Variants in NCOR1 observed in about 807,000 individuals in gnomAD.
The protein encoded by NCOR1 is protein phosphatase 1, regulatory subunit 109.
NCOR1 carries 63 observed loss-of-function variants against 288.1 expected under a neutral mutation model. The observed-to-expected ratio is 0.22, with a 90% CI of 0.18 to 0.27. The LOEUF (loss-of-function observed/expected upper bound fraction) is 0.27, where lower values mean the gene tolerates loss of function less well. Among genes scored for constraint, NCOR1 ranks in the 10% least tolerant of loss-of-function variants. The pLI, the probability that NCOR1 is intolerant of heterozygous loss-of-function variation, is 1.00. For synonymous variants in NCOR1, 1,007 were observed against 1,065.9 expected, an observed-to-expected ratio of 0.94 and a Z score of 1.08; for missense variants, 2,397 against 3,019.2, an observed-to-expected ratio of 0.79 and a Z score of 4.83.
chr17:16,152,114 C>G, intron 7 of NCOR1, 116 bp from the exon 8 acceptor site: 1 of 607,974 alleles, frequency 1.6e-6, no homozygotes, highest in Non-Finnish European at 2.8e-6. Context: ...TACACAATAA[C>G]ATGCCCTACC....
chr17:16,184,473 CATT>C (rs767195347), intron 3 of NCOR1, among the ~76,000 whole-genome samples: 2 of 152,238 alleles, frequency 1.3e-5, no homozygotes, highest in Non-Finnish European at 2.9e-5. Context: ...TGTTCAGTAT[CATT>C]AGTCATCAGG....
chr17:16,169,391 A>T (rs1014552646), intron 4 of NCOR1, among the ~76,000 whole-genome samples: 10 of 152,210 alleles, frequency 6.6e-5, no homozygotes, highest in African/African-American at 2.4e-4. Context: ...ACTGTAGGTA[A>T]TTTTTTCTTT....
At position 16,062,197 on chromosome 17, in the gene NCOR1, C is replaced by T; in HGVS notation, c.5295G>A (p.Glu1765=). 1 of 1,614,074 alleles carries T rather than the reference C, an allele frequency of 6.2e-7. No individual in the cohort carries two copies. The highest frequency in any genetic ancestry group is 8.5e-7 in the Non-Finnish European group (1 of 1,180,020). The change falls in exon 36 of 46, where the codon GAG becomes GAA. Residue 1765 remains glutamate, a synonymous_variant. Coordinates refer to ENST00000268712, the MANE Select transcript of NCOR1 (RefSeq NM_006311.4). The part of the protein sequence containing the change: ...RSPSPSVRTQ[E]TMLQQRPSVF... ...CACTGGGTCTCTGTTGCAACATGGT[C>T]TCCTGAGTTCTTACTGAAGGGGAAG...
In NCOR1 at chr17:16,159,278, T is replaced by C. The variant is rs138974451; in HGVS notation, c.619-405A>G. 1.7e-3 allele frequency among the ~76,000 whole-genome samples: 261 copies of C among 152,034 alleles called. 1 individual carries two copies. The highest frequency in any genetic ancestry group is 6.1e-3 in the African/African-American group (251 of 41,480). ...AAAATACAAAATTAGCTGGGCATGG[T>C]GGCGCATGCCTGTAATCCCAGCTAC... On this transcript the variant is annotated intron_variant, in intron 5 of 45. Transcript: ENST00000268712.
intron 5 of NCOR1, 141 bp downstream of exon 5, chr17:16,164,838 A>G: frequency 1.8e-6 from 1 of 557,916 alleles, no homozygotes; most frequent in African/African-American, 2.0e-5. Flanking sequence ...GAAAACCACA[A>G]CAGTAGCAAA....
chr17:16,212,796 G>A (rs2092256132), intron 1 of NCOR1, among the ~76,000 whole-genome samples: 1 of 152,044 alleles, frequency 6.6e-6, no homozygotes, highest in South Asian at 2.1e-4. Flanking sequence ...TTAAGGCCGG[G>A]TGCAGTGGCT....
chr17:16,101,766 G>T lies in NCOR1; in HGVS notation c.2183-9C>A. 1 of 1,614,070 alleles carries T rather than the reference G, an allele frequency of 6.2e-7. No homozygotes were observed. The highest frequency in any genetic ancestry group is 8.5e-7 in the Non-Finnish European group (1 of 1,179,976). ...GGGCTTGACAGCTTCAACTGGTGAA[G>T]GAGAAGGAGCACTTTCTGTATCAGA... On this transcript the variant is annotated splice_polypyrimidine_tract_variant and intron_variant, in intron 19 of 45. Coordinates refer to ENST00000268712, the MANE Select transcript of NCOR1 (RefSeq NM_006311.4).
At position 16,121,077 on chromosome 17, in the gene NCOR1, T is replaced by C; in HGVS notation, c.1827A>G (p.Pro609=). 3.7e-6 allele frequency: 6 copies of C among 1,613,442 alleles called. No individual in the cohort carries two copies. The highest frequency in any genetic ancestry group is 5.1e-6 in the Non-Finnish European group (6 of 1,179,682). ...TGGGTTCTGGTGGCGGTGGCAGAGGTGGTGGGGGCTCTTCAGTAGCCGCTG... is the reference window on the plus strand; with the variant it reads ...TGGGTTCTGGTGGCGGTGGCAGAGGCGGTGGGGGCTCTTCAGTAGCCGCTG... ...AAAAATEEPP[P]PLPPPPEPIS... The change falls in exon 16 of 46, where the codon CCA becomes CCG. Residue 609 remains proline, a synonymous_variant. Coordinates refer to ENST00000268712, the MANE Select transcript of NCOR1 (RefSeq NM_006311.4).
chr17:16,121,348 T>A, intron 15 of NCOR1, 79 bp from the exon 16 acceptor site: 1 of 1,192,264 alleles, frequency 8.4e-7, no homozygotes, highest in Non-Finnish European at 1.1e-6. Flanking sequence ...TTGAATATTA[T>A]CTAAATAGAA....
In NCOR1 at chr17:16,033,629, ACT is replaced by A. The variant is rs530696532; in HGVS notation, c.7135+1134_7135+1135del. ...AAAAGATGGCTTATAATTCTCTGAA[ACT>A]CTAAAATTCGTAATATCCCAGTTTT... On this transcript the variant is annotated intron_variant, in intron 45 of 45. Coordinates refer to ENST00000268712, the MANE Select transcript of NCOR1 (RefSeq NM_006311.4). 1.4e-3 allele frequency among the ~76,000 whole-genome samples: 199 copies of A among 143,880 alleles called. 1 individual carries two copies. The highest frequency in any genetic ancestry group is 5.0e-3 in the African/African-American group (189 of 38,032). 94.4% of individuals were successfully genotyped at this position (143,880 alleles called of 152,430 possible). A position where few individuals can be genotyped will look rare whatever the true frequency, so the allele number is the denominator to read the frequency against.
At chr17:16,036,650 C>A (rs994301291) in intron 44 of NCOR1, among the ~76,000 whole-genome samples, 1 of 152,228 alleles carries the variant, frequency 6.6e-6, no homozygotes. Flanking sequence ...ACAGAGACGG[C>A]TTCTTCAACC....
intron 3 of NCOR1, among the ~76,000 whole-genome samples, chr17:16,175,097 G>A (rs1262160862): frequency 6.6e-6 from 1 of 151,920 alleles, no homozygotes; most frequent in Admixed American, 6.6e-5. Context: ...GCAAGATGCC[G>A]TGGCTCACGC....
intron 5 of NCOR1, among the ~76,000 whole-genome samples, chr17:16,159,212 G>A (rs1308621024): frequency 2.0e-5 from 3 of 151,922 alleles, no homozygotes; most frequent in Admixed American, 6.6e-5. Flanking sequence ...TCGGGAGTTC[G>A]AGACCAGCCT....
At chr17:16,091,188 G>C in intron 22 of NCOR1, among the ~76,000 whole-genome samples, 1 of 152,120 alleles carries the variant, frequency 6.6e-6, no homozygotes, top group Non-Finnish European at 1.5e-5. Flanking sequence ...TACCTCCATA[G>C]TATCTACTGT....
chr17:16,149,350 G>T, intron 9 of NCOR1, 101 bp downstream of exon 9: 7 of 410,448 alleles, frequency 1.7e-5, no homozygotes, highest in Non-Finnish European at 2.3e-5. Context: ...ATCCTCAAAT[G>T]GAGTCAAGGA....
At chr17:16,092,685 ATATATATATATTTTTTTTT>A (rs1264721449) in intron 21 of NCOR1, among the ~76,000 whole-genome samples, 3 of 13,836 alleles carry the variant, frequency 2.2e-4, no homozygotes, top group South Asian at 3.9e-3. Context: ...ATATATATAT[ATATATATATATTTTTTTTT>A]TTTTTTTTTT....
chr17:16,122,933 C>T (rs907169133), intron 15 of NCOR1, among the ~76,000 whole-genome samples: 1 of 152,170 alleles, frequency 6.6e-6, no homozygotes, highest in South Asian at 2.1e-4. Context: ...TTCCTCTCAT[C>T]CCTTTCATAC....
intron 14 of NCOR1, among the ~76,000 whole-genome samples, chr17:16,127,620 T>C (rs564274533): frequency 2.0e-4 from 30 of 147,192 alleles, no homozygotes; most frequent in African/African-American, 7.0e-4. Flanking sequence ...TGTGTATGTG[T>C]ATATATACAT....
intron 6 of NCOR1, among the ~76,000 whole-genome samples, chr17:16,156,873 C>A (rs543210088): frequency 1.2e-3 from 176 of 152,122 alleles, no homozygotes; most frequent in African/African-American, 3.8e-3. Flanking sequence ...AGTGAGGCAA[C>A]CACAGAATTC....
Sources: gnomAD v4.1 joint callset for allele counts (sites outside exome capture counted in the v4.1 genomes callset) on GRCh38, gnomAD v4.1.1 for gene constraint, MANE v1.5 for transcripts, NCBI Gene and HGNC (gene_info 2026-07-23, HGNC 2026-07-21) for gene names.